The following MSRA variants were observed in gnomAD, a reference collection of about 807,000 sequenced individuals.
The protein encoded by MSRA is mitochondrial peptide methionine sulfoxide reductase.
In MSRA, 54 loss-of-function variants were observed where a neutral mutation model predicts 31.3. That is an observed-to-expected ratio of 1.73 (90% CI 1.39 to 2.17). The LOEUF (loss-of-function observed/expected upper bound fraction) is 2.17, where lower values mean the gene tolerates loss of function less well. Ranked by LOEUF, MSRA falls within the 30% of genes most tolerant of loss-of-function variation. The pLI is 0.00. For missense variants in MSRA, 507 were observed against 300.9 expected (o/e 1.69, Z -5.07); for synonymous variants, 169 against 116.5 (o/e 1.45, Z -2.90).
chr8:10,318,927 G>A (rs531071210), intron 4 of MSRA, among the ~76,000 whole-genome samples: 3 of 152,238 alleles, frequency 2.0e-5, no homozygotes, highest in East Asian at 1.9e-4. Flanking sequence ...TGAAGGCACC[G>A]CACTGCTCCG....
chr8:10,237,038 A>G (rs1812003783), intron 2 of MSRA, among the ~76,000 whole-genome samples: 1 of 152,318 alleles, frequency 6.6e-6, no homozygotes, highest in South Asian at 2.1e-4. Flanking sequence ...GCGGGATTTT[A>G]TTTATAAGGG....
intron 1 of MSRA, among the ~76,000 whole-genome samples, chr8:10,081,049 G>A (rs989316636): frequency 1.3e-5 from 2 of 152,218 alleles, no homozygotes; most frequent in Non-Finnish European, 2.9e-5. Flanking sequence ...GTCACAACAT[G>A]GATTAAAATG....
chr8:10,084,289 C>T (rs927068644), intron 1 of MSRA, among the ~76,000 whole-genome samples: 1 of 152,238 alleles, frequency 6.6e-6, no homozygotes, highest in African/African-American at 2.4e-5. Flanking sequence ...TGCCTTCTGG[C>T]CAGATCCCTG....
intron 1 of MSRA, among the ~76,000 whole-genome samples, chr8:10,096,596 A>G (rs1799171880): frequency 6.6e-6 from 1 of 152,244 alleles, no homozygotes; most frequent in Admixed American, 6.5e-5. Flanking sequence ...TTAAACGATT[A>G]CTGTAGCCTG....
At chr8:10,133,357 C>T (rs1802037758) in intron 1 of MSRA, among the ~76,000 whole-genome samples, 1 of 152,164 alleles carries the variant, frequency 6.6e-6, no homozygotes, top group Non-Finnish European at 1.5e-5. Context: ...TGCTCTGCCT[C>T]CTGGACTCCT....
chr8:10,397,975 A>G (rs370332031), intron 5 of MSRA, among the ~76,000 whole-genome samples: 176 of 152,316 alleles, frequency 1.2e-3, no homozygotes, highest in Non-Finnish European at 1.3e-3. Flanking sequence ...TTGGGCTATA[A>G]CATCACCAAT....
chr8:10,320,958 C>G (rs1044163437), intron 5 of MSRA, among the ~76,000 whole-genome samples: 1 of 152,210 alleles, frequency 6.6e-6, no homozygotes, highest in Non-Finnish European at 1.5e-5. Context: ...GACCCGTTCT[C>G]CAAGGAAGGT....
At chr8:10,242,323 C>T (rs969310459) in intron 2 of MSRA, among the ~76,000 whole-genome samples, 2 of 151,178 alleles carry the variant, frequency 1.3e-5, no homozygotes, top group African/African-American at 4.9e-5. Flanking sequence ...ATGAGCAAGA[C>T]TATAATGTCA....
At chr8:10,280,906 A>T (rs1029524585) in intron 3 of MSRA, among the ~76,000 whole-genome samples, 2 of 152,216 alleles carry the variant, frequency 1.3e-5, no homozygotes, top group African/African-American at 4.8e-5. Context: ...CTCGCAAAAA[A>T]CCATAGAGTG....
intron 2 of MSRA, among the ~76,000 whole-genome samples, chr8:10,242,726 A>G (rs1425650250): frequency 1.3e-5 from 2 of 152,218 alleles, no homozygotes; most frequent in Admixed American, 1.3e-4. Context: ...TTAAACACAC[A>G]CACACACATT....
chr8:10,138,360 T>G (rs866501027), intron 1 of MSRA, among the ~76,000 whole-genome samples: 2 of 152,014 alleles, frequency 1.3e-5, no homozygotes, highest in Admixed American at 6.5e-5. Flanking sequence ...GATGTCACAG[T>G]GAAGGGAGAA....
intron 1 of MSRA, among the ~76,000 whole-genome samples, chr8:10,124,390 G>T (rs13282106): frequency 0.54 from 82,113 of 152,008 alleles, 23,203 homozygotes; most frequent in East Asian, 0.96. Context: ...ATTTCTTTGG[G>T]GCAAACCAGA....
At chr8:10,386,014 T>C (rs1434385088) in intron 5 of MSRA, among the ~76,000 whole-genome samples, 6 of 152,146 alleles carry the variant, frequency 3.9e-5, no homozygotes, top group Admixed American at 3.9e-4. Flanking sequence ...TCAGACCCTG[T>C]CTGTGAGTAT....
chr8:10,091,804 G>C (rs180860235), intron 1 of MSRA, among the ~76,000 whole-genome samples: 2 of 152,070 alleles, frequency 1.3e-5, no homozygotes, highest in East Asian at 3.9e-4. Flanking sequence ...GTGGGATTTT[G>C]CCATGTTGGC....
chr8:10,288,127 C>T (rs1418788191), intron 3 of MSRA, among the ~76,000 whole-genome samples: 1 of 152,160 alleles, frequency 6.6e-6, no homozygotes. Context: ...GTTTGGTCAC[C>T]ATTTTGATTG....
At chr8:10,184,291 A>G (rs748516323) in intron 1 of MSRA, among the ~76,000 whole-genome samples, 5 of 151,964 alleles carry the variant, frequency 3.3e-5, no homozygotes, top group Non-Finnish European at 7.4e-5. Flanking sequence ...TCTCTTACAC[A>G]GCCAGCCTCT....
At chr8:10,079,719 G>A (rs144645027) in intron 1 of MSRA, among the ~76,000 whole-genome samples, 2 of 152,136 alleles carry the variant, frequency 1.3e-5, no homozygotes, top group Non-Finnish European at 2.9e-5. Flanking sequence ...TGGCTATCCA[G>A]TCATGCCCAT....
chr8:10,183,818 T>A (rs1806768870), intron 1 of MSRA, among the ~76,000 whole-genome samples: 1 of 150,986 alleles, frequency 6.6e-6, no homozygotes, highest in South Asian at 2.1e-4. Context: ...GTGCTGCTGC[T>A]GCTGCTGCTG....
At chr8:10,332,165 C>A (rs558747914) in intron 5 of MSRA, among the ~76,000 whole-genome samples, 1 of 152,164 alleles carries the variant, frequency 6.6e-6, no homozygotes, top group African/African-American at 2.4e-5. Flanking sequence ...AGAAGCATCC[C>A]TTCTCGGTCT....
Sources: allele counts gnomAD v4.1 joint callset (sites outside exome capture counted in the v4.1 genomes callset), GRCh38; gene constraint gnomAD v4.1.1; transcripts MANE v1.5; gene names NCBI Gene and HGNC (gene_info 2026-07-23, HGNC 2026-07-21).